Variants in CNTN3 observed in about 807,000 individuals in gnomAD.
CNTN3 encodes contactin-3.
CNTN3 carries 60 observed loss-of-function variants against 119.1 expected under a neutral mutation model. The ratio of observed to expected loss-of-function variants is 0.50; its 90% confidence interval spans 0.41 to 0.62. The LOEUF (loss-of-function observed/expected upper bound fraction) is 0.62. Ranked by LOEUF, CNTN3 falls within the 20% of genes least tolerant of loss-of-function variation. The pLI is 0.00. For synonymous variants in CNTN3, 450 were observed against 438.7 expected (o/e 1.03, Z -0.32); for missense variants, 1,101 against 1,242.4 (o/e 0.89, Z 1.71).
intron 19 of CNTN3, among the ~76,000 whole-genome samples, chr3:74,288,161 T>TTTC (rs1553692370): frequency 1.1e-4 from 15 of 139,496 alleles, no homozygotes; most frequent in African/African-American, 3.1e-4. Context: ...TTTCTTTTCT[T>TTTC]TTTTTTTTTT....
At chr3:74,426,097 T>C (rs1021315536) in intron 4 of CNTN3, among the ~76,000 whole-genome samples, 5 of 152,170 alleles carry the variant, frequency 3.3e-5, no homozygotes, top group African/African-American at 1.2e-4. Context: ...AAATACTGAT[T>C]CATTCTTTCC....
At chr3:74,417,593 G>A (rs943975025) in intron 5 of CNTN3, among the ~76,000 whole-genome samples, 6 of 152,180 alleles carry the variant, frequency 3.9e-5, no homozygotes, top group African/African-American at 1.4e-4. Context: ...AAAGTTGAAG[G>A]CAGGCTCAAT....
intron 4 of CNTN3, among the ~76,000 whole-genome samples, chr3:74,440,855 T>C (rs1229944327): frequency 6.6e-6 from 1 of 152,136 alleles, no homozygotes; most frequent in East Asian, 1.9e-4. Flanking sequence ...TATTAGATAT[T>C]ATAAGTAATG....
At chr3:74,464,600 A>C (rs1702428815) in intron 4 of CNTN3, among the ~76,000 whole-genome samples, 1 of 152,168 alleles carries the variant, frequency 6.6e-6, no homozygotes, top group Non-Finnish European at 1.5e-5. Context: ...GGAGCTACTA[A>C]ATCCAGTAGG....
chr3:74,468,558 G>A (rs1456305273), intron 4 of CNTN3, among the ~76,000 whole-genome samples: 1 of 152,094 alleles, frequency 6.6e-6, no homozygotes, highest in Non-Finnish European at 1.5e-5. Context: ...CACCACTGGG[G>A]TAAATATCTT....
intron 1 of CNTN3, among the ~76,000 whole-genome samples, chr3:74,547,027 C>T (rs976387833): frequency 2.8e-4 from 42 of 152,150 alleles, no homozygotes; most frequent in Non-Finnish European, 4.7e-4. Flanking sequence ...ATACACATCG[C>T]GCTGTCATTC....
chr3:74,501,292 G>T (rs998737634), intron 2 of CNTN3, among the ~76,000 whole-genome samples: 1 of 152,026 alleles, frequency 6.6e-6, no homozygotes, highest in African/African-American at 2.4e-5. Context: ...CAACCAGTCA[G>T]TCACACCTAC....
intron 5 of CNTN3, among the ~76,000 whole-genome samples, chr3:74,418,824 T>C (rs774497677): frequency 2.6e-5 from 4 of 152,048 alleles, no homozygotes; most frequent in Non-Finnish European, 5.9e-5. Context: ...AATCTCACTC[T>C]GTTGCCCAGG....
In CNTN3 at chr3:74,610,315, C is replaced by A. The variant is rs1378886490; in HGVS notation, c.-81+4076G>T. 2.8e-5 allele frequency among the ~76,000 whole-genome samples: 4 copies of A among 144,364 alleles called. 1 individual carries two copies. In the Admixed American group the frequency reaches 2.8e-4, roughly 10 times the overall value. The allele number at this position is 144,364 out of a possible 152,430, so 94.7% of individuals were successfully genotyped here. A position where few individuals can be genotyped will look rare whatever the true frequency, so the allele number is the denominator to read the frequency against. Reference sequence around the variant, plus strand: ...TCCAGCCTGGGTGACAGAGTGAGACCCTGTCGAAAAAAACAAAAATGAAAA... The same window carrying A: ...TCCAGCCTGGGTGACAGAGTGAGACACTGTCGAAAAAAACAAAAATGAAAA... On this transcript the variant is annotated intron_variant, in intron 1 of 22. Coordinates refer to ENST00000263665, the MANE Select transcript of CNTN3 (RefSeq NM_020872.3).
chr3:74,611,153 G>T (rs75229980), intron 1 of CNTN3, among the ~76,000 whole-genome samples: 7,776 of 152,192 alleles, frequency 0.051, 256 homozygotes, highest in African/African-American at 0.091. Context: ...AATGCCAATA[G>T]GTCTGCAACA....
intron 5 of CNTN3, among the ~76,000 whole-genome samples, chr3:74,409,806 T>A (rs1701408199): frequency 6.6e-6 from 1 of 152,204 alleles, no homozygotes; most frequent in South Asian, 2.1e-4. Context: ...GAATATCCAT[T>A]CAATTTGGAT....
chr3:74,594,278 T>C, intron 1 of CNTN3, among the ~76,000 whole-genome samples: 1 of 144,114 alleles, frequency 6.9e-6, no homozygotes, highest in Admixed American at 6.8e-5. Flanking sequence ...TTTTTCTTTT[T>C]TTTTTTTTTT....
chr3:74,366,047 T>G (rs775810520), intron 8 of CNTN3, among the ~76,000 whole-genome samples: 7 of 152,150 alleles, frequency 4.6e-5, no homozygotes, highest in Non-Finnish European at 1.0e-4. Flanking sequence ...GTTTTCCAAG[T>G]GTATTTTTGA....
chr3:74,430,778 G>A (rs1163959813), intron 4 of CNTN3, among the ~76,000 whole-genome samples: 2 of 152,096 alleles, frequency 1.3e-5, no homozygotes, highest in Non-Finnish European at 2.9e-5. Flanking sequence ...CATACACAAT[G>A]AGTATGTATA....
At chr3:74,323,572 T>A (rs1483394004) in intron 13 of CNTN3, among the ~76,000 whole-genome samples, 1 of 152,226 alleles carries the variant, frequency 6.6e-6, no homozygotes, top group Non-Finnish European at 1.5e-5. Context: ...CTGCATCTTA[T>A]ACTTTAAGTG....
chr3:74,495,225 C>A (rs1271563420), intron 3 of CNTN3, among the ~76,000 whole-genome samples: 2 of 151,996 alleles, frequency 1.3e-5, no homozygotes, highest in Admixed American at 6.6e-5. Context: ...GATTTCATTT[C>A]TTTAAGTGCC....
At chr3:74,335,421 C>T (rs1194507725) in intron 12 of CNTN3, among the ~76,000 whole-genome samples, 1 of 152,014 alleles carries the variant, frequency 6.6e-6, no homozygotes, top group Non-Finnish European at 1.5e-5. Flanking sequence ...CTGTTTTTCC[C>T]CAACGCAAAT....
chr3:74,614,604 G>A lies in CNTN3; in HGVS notation c.-294C>T, dbSNP rs1204706793. On this transcript the variant is annotated 5_prime_UTR_variant, in exon 1 of 23. Transcript: ENST00000263665. ...CGCCAGCCCGCCCGCCGCTGCCACC[G>A]CCGCCGCCGCCAAGCGCCAGGCTGC... Among the ~76,000 whole-genome samples, 1 of 149,104 alleles carries A rather than the reference G, an allele frequency of 6.7e-6. No individual in the cohort carries two copies. Among genetic ancestry groups the A allele is most frequent in the Non-Finnish European group, 1.5e-5 (1 of 66,830 alleles).
chr3:74,425,042 G>C (rs1276616950), intron 4 of CNTN3, 102 bp from the exon 5 acceptor site: 8 of 766,022 alleles, frequency 1.0e-5, no homozygotes, highest in African/African-American at 1.8e-5. Flanking sequence ...TTTAGTTTTT[G>C]CTTTTTTCTT....
Sources: gnomAD v4.1 joint callset for allele counts (sites outside exome capture counted in the v4.1 genomes callset) on GRCh38, gnomAD v4.1.1 for gene constraint, MANE v1.5 for transcripts, NCBI Gene and HGNC (gene_info 2026-07-23, HGNC 2026-07-21) for gene names.